Variants in RUNX1T1 observed in about 807,000 individuals in gnomAD.
RUNX1T1 encodes the protein RUNX1 partner transcriptional co-repressor 1, also known as protein CBFA2T1.
In RUNX1T1, 4 loss-of-function variants were observed where a neutral mutation model predicts 62.8. The ratio of observed to expected loss-of-function variants is 0.06; its 90% confidence interval spans 0.03 to 0.15. RUNX1T1 has a LOEUF of 0.15. RUNX1T1 is among the 10% of genes least tolerant of loss of function. The pLI is 1.00. For missense variants in RUNX1T1, 508 were observed against 754.3 expected, an observed-to-expected ratio of 0.67 and a Z score of 3.82; for synonymous variants, 291 against 286.0, an observed-to-expected ratio of 1.02 and a Z score of -0.18.
intron 10 of RUNX1T1, among the ~76,000 whole-genome samples, chr8:91,968,175 G>C (rs1812027909): frequency 6.6e-6 from 1 of 152,056 alleles, no homozygotes; most frequent in African/African-American, 2.4e-5. Flanking sequence ...ACACGTATCT[G>C]CCTCCGAGCT....
In RUNX1T1 at chr8:92,062,504, T is replaced by G. The variant is rs76321308; in HGVS notation, c.7+42A>C. ...ATGCATAATAGAAAGTAAGCTTTCT[T>G]CATTGGAAAAACAGAGAGAACACAG... On this transcript the variant is annotated intron_variant, in intron 1 of 10. Coordinates refer to ENST00000396218, the Ensembl canonical transcript of RUNX1T1. 9.8e-4 allele frequency: 1,564 copies of G among 1,602,592 alleles called. 16 individuals carry two copies. In the African/African-American group the frequency reaches 0.018, roughly 19 times the overall value.
intron 2 of RUNX1T1, among the ~76,000 whole-genome samples, chr8:92,068,047 T>C (rs954160407): frequency 6.6e-6 from 1 of 152,194 alleles, no homozygotes; most frequent in African/African-American, 2.4e-5. Flanking sequence ...GTTAAAATTT[T>C]TTAAGTAAAA....
chr8:91,955,654 A>G (rs1563570182), downstream of RUNX1T1: 2 of 225,752 alleles, frequency 8.9e-6, no homozygotes, highest in African/African-American at 4.5e-5. Context: ...TCACCTTCAT[A>G]ACCTTTCTCC....
chr8:91,995,687 TG>T (rs1818524734), intron 5 of RUNX1T1, among the ~76,000 whole-genome samples: 1 of 151,816 alleles, frequency 6.6e-6, no homozygotes, highest in African/African-American at 2.4e-5. Flanking sequence ...CTCCAGAAGC[TG>T]GGGCAGGAGG....
intron 6 of RUNX1T1, among the ~76,000 whole-genome samples, chr8:91,988,855 T>G (rs1259084014): frequency 6.6e-6 from 1 of 152,146 alleles, no homozygotes; most frequent in Non-Finnish European, 1.5e-5. Context: ...GTAAGATTCA[T>G]TTGCCGCTTT....
At chr8:92,085,288 A>G (rs1361757137) in intron 1 of RUNX1T1, among the ~76,000 whole-genome samples, 10 of 152,206 alleles carry the variant, frequency 6.6e-5, no homozygotes, top group Admixed American at 4.6e-4. Context: ...CAGAGTACCA[A>G]AGGACATACA....
At chr8:92,102,604 G>A (rs1373510345), upstream of RUNX1T1, among the ~76,000 whole-genome samples, 1 of 152,066 alleles carries the variant, frequency 6.6e-6, no homozygotes, top group African/African-American at 2.4e-5. This position sits in a 1 kb window ranked among gnomAD's most constrained non-coding sequence, Gnocchi z 4.5. Context: ...AAGACACTGT[G>A]GGGAATATAA....
intron 6 of RUNX1T1, among the ~76,000 whole-genome samples, chr8:91,988,224 G>A (rs1816963469): frequency 6.6e-6 from 1 of 152,080 alleles, no homozygotes; most frequent in African/African-American, 2.4e-5. Flanking sequence ...ACTGATGGAA[G>A]TGAACAAATT....
At chr8:92,019,483 G>T (rs1823671180) in intron 1 of RUNX1T1, among the ~76,000 whole-genome samples, 1 of 151,550 alleles carries the variant, frequency 6.6e-6, no homozygotes, top group African/African-American at 2.4e-5. Flanking sequence ...AGAAGAGGAG[G>T]AAAAAGAACA....
intron 1 of RUNX1T1, among the ~76,000 whole-genome samples, chr8:92,084,984 T>G (rs1473918133): frequency 6.6e-6 from 1 of 152,158 alleles, no homozygotes; most frequent in East Asian, 1.9e-4. Flanking sequence ...TCCATAGCCA[T>G]CAAGTCAGAT....
intron 1 of RUNX1T1, among the ~76,000 whole-genome samples, chr8:92,026,075 T>C (rs1333803698): frequency 6.6e-6 from 1 of 152,232 alleles, no homozygotes; most frequent in Non-Finnish European, 1.5e-5. Context: ...ACCAAAGACA[T>C]ACTTTTTTCT....
upstream of RUNX1T1, among the ~76,000 whole-genome samples, chr8:92,101,943 G>C (rs1003248427): frequency 2.0e-5 from 3 of 152,208 alleles, no homozygotes; most frequent in Non-Finnish European, 4.4e-5. Context: ...TGGCCCGGGG[G>C]CTTCACCAGA....
At chr8:92,008,845 G>A (rs1390902296) in intron 4 of RUNX1T1, among the ~76,000 whole-genome samples, 1 of 152,210 alleles carries the variant, frequency 6.6e-6, no homozygotes, top group Non-Finnish European at 1.5e-5. Context: ...TTTCACAAAA[G>A]AGACTATAGA....
At chr8:92,062,932 AATG>A (rs1832309149) in exon 1 of RUNX1T1, 3 of 1,284,766 alleles carry the variant, frequency 2.3e-6, no homozygotes, top group Non-Finnish European at 2.0e-6. Context: ...TGAAATTCAG[AATG>A]ATAAGCTAAA....
chr8:92,024,985 C>A (rs933580910), intron 1 of RUNX1T1, among the ~76,000 whole-genome samples: 3 of 152,146 alleles, frequency 2.0e-5, no homozygotes, highest in African/African-American at 7.2e-5. Context: ...TGGTCAAATG[C>A]CTGATACATG....
intron 1 of RUNX1T1, among the ~76,000 whole-genome samples, chr8:92,096,118 G>C (rs1484178721): frequency 6.6e-6 from 1 of 152,122 alleles, no homozygotes; most frequent in African/African-American, 2.4e-5. Context: ...ATATAAAATA[G>C]CTTCTGTCCC....
chr8:91,982,078 C>T (rs1342073398), intron 8 of RUNX1T1, among the ~76,000 whole-genome samples: 1 of 151,442 alleles, frequency 6.6e-6, no homozygotes, highest in Non-Finnish European at 1.5e-5. Context: ...AACCCCACTC[C>T]TACAAAAAAT....
chr8:92,053,647 G>C (rs1005993747), intron 1 of RUNX1T1, among the ~76,000 whole-genome samples: 1 of 152,106 alleles, frequency 6.6e-6, no homozygotes, highest in African/African-American at 2.4e-5. Flanking sequence ...ATTCTCATTC[G>C]TAAAGACCAC....
intron 1 of RUNX1T1, among the ~76,000 whole-genome samples, chr8:92,090,422 T>C (rs983171538): frequency 2.6e-5 from 4 of 152,034 alleles, no homozygotes; most frequent in Admixed American, 6.6e-5. Context: ...CACTCCAGCA[T>C]ACTGGATAAG....
Sources: allele counts gnomAD v4.1 joint callset (sites outside exome capture counted in the v4.1 genomes callset), GRCh38; gene constraint gnomAD v4.1.1; non-coding constraint Gnocchi (gnomAD v3.1); transcripts MANE v1.5; gene names NCBI Gene and HGNC (gene_info 2026-07-23, HGNC 2026-07-21).